The following GPR157 variants were observed in gnomAD, a reference collection of about 807,000 sequenced individuals.
GPR157 encodes G protein-coupled receptor 157, also known as G-protein coupled receptor 157.
A neutral mutation model predicts 23.5 loss-of-function variants in GPR157; 16 were observed. The ratio of observed to expected loss-of-function variants is 0.68; its 90% confidence interval spans 0.46 to 1.04. The LOEUF (loss-of-function observed/expected upper bound fraction) is 1.04. GPR157 is among the 50% of genes least tolerant of loss of function. The pLI, the probability that GPR157 is intolerant of heterozygous loss-of-function variation, is 0.00. For synonymous variants in GPR157, 200 were observed against 221.5 expected, an observed-to-expected ratio of 0.90 and a Z score of 0.86; for missense variants, 440 against 460.7, an observed-to-expected ratio of 0.96 and a Z score of 0.41.
chr1:9,104,703 T>C, intron 3 of GPR157, 69 bp from the exon 4 acceptor site: 14 of 1,220,510 alleles, frequency 1.1e-5, no homozygotes, highest in Non-Finnish European at 1.3e-5. Context: ...GCTGTTGCAA[T>C]TAAGAGAAAC....
chr1:9,108,951 A>C (rs1187758845), intron 2 of GPR157, among the ~76,000 whole-genome samples: 1 of 151,922 alleles, frequency 6.6e-6, no homozygotes, highest in East Asian at 1.9e-4. Flanking sequence ...ACGCTCAGCT[A>C]ATTTTTTGTA....
In GPR157 at chr1:9,128,591, G is replaced by A. The variant is rs2124535422; in HGVS notation, c.383+54C>T. The A allele has an allele frequency of 6.4e-7, 1 of 1,553,296 alleles. No homozygotes were observed. Among genetic ancestry groups the A allele is most frequent in the South Asian group, 1.1e-5 (1 of 88,598 alleles). On this transcript the variant is annotated intron_variant, in intron 1 of 3. Coordinates refer to ENST00000377411, the MANE Select transcript of GPR157 (RefSeq NM_024980.5). The surrounding 1 kb of genome is among the most constrained non-coding windows in gnomAD (Gnocchi z 6.3). ...GCGGCCTCTGGGAGGGCAAGACCGG[G>A]AGGGGTCGGCCTGTGTCGGGGGCTC...
intron 1 of GPR157, among the ~76,000 whole-genome samples, chr1:9,124,037 C>T (rs1638914480): frequency 1.3e-5 from 2 of 151,772 alleles, no homozygotes; most frequent in African/African-American, 4.8e-5. Flanking sequence ...GCCATGTTGC[C>T]CAGGCTGGTC....
In GPR157 at chr1:9,118,319, TG is replaced by T. The variant is rs780495293; in HGVS notation, c.384-6831del. ...AGGGGGTGCCATGACAGGTGCTGGG[TG>T]GGGGTGCAAGGTGGGGATGTGGGTT... On this transcript the variant is annotated intron_variant, in intron 1 of 3. Transcript: ENST00000377411. The surrounding 1 kb of genome is among the most constrained non-coding windows in gnomAD (Gnocchi z 4.6). Among the ~76,000 whole-genome samples the T allele has an allele frequency of 7.4e-5, 11 of 149,516 alleles. No homozygotes were observed. The highest frequency in any genetic ancestry group is 1.3e-4 in the Non-Finnish European group (9 of 67,326).
chr1:9,111,531 G>T (rs1638497031), intron 1 of GPR157, 42 bp from the exon 2 acceptor site: 1 of 1,544,852 alleles, frequency 6.5e-7, no homozygotes, highest in African/African-American at 1.4e-5. Context: ...GTCAGGCCAT[G>T]GCTCCCGGCA....
Position 9,102,674 on chromosome 1 carries a change from C to T in GPR157, c.*1745G>A, listed in dbSNP as rs181254780. 133 of 152,278 alleles carry T rather than the reference C, an allele frequency of 8.7e-4. No homozygotes were observed. The highest frequency in any genetic ancestry group is 2.8e-3 in the African/African-American group (116 of 41,558). The allele number at this position is 152,278 out of a possible 1,614,324, so 9.4% of individuals were successfully genotyped here. Reference sequence around the variant, plus strand: ...CCTATCAGGTAAAGCTGTACTTTCTCTCACCAAGACCCTGGAGGTAGCATT... The same window carrying T: ...CCTATCAGGTAAAGCTGTACTTTCTTTCACCAAGACCCTGGAGGTAGCATT... On this transcript the variant is annotated 3_prime_UTR_variant, in exon 4 of 4. Transcript: ENST00000377411.
At chr1:9,127,701 C>G (rs1207925654) in intron 1 of GPR157, among the ~76,000 whole-genome samples, 1 of 152,190 alleles carries the variant, frequency 6.6e-6, no homozygotes, top group African/African-American at 2.4e-5. Flanking sequence ...GGTGACCTGT[C>G]TCTGCCAAAG....
rs1202391993 is a variant in GPR157 at position 9,108,157 on chromosome 1, G to A, written c.598-2477C>T. On this transcript the variant is annotated intron_variant, in intron 2 of 3. Coordinates refer to ENST00000377411, the MANE Select transcript of GPR157 (RefSeq NM_024980.5). Reference sequence around the variant, plus strand: ...GCTGACGGCCCAGGGGAGGGGAGACGCCCAAGGTATTCTGCCAGCACCTGG... The same window carrying A: ...GCTGACGGCCCAGGGGAGGGGAGACACCCAAGGTATTCTGCCAGCACCTGG... Among the ~76,000 whole-genome samples the A allele has an allele frequency of 2.6e-5, 4 of 152,054 alleles. No individual in the cohort carries two copies. In the South Asian group the frequency reaches 6.2e-4, roughly 24 times the overall value.
At chr1:9,122,151 G>A (rs1638812530) in intron 1 of GPR157, among the ~76,000 whole-genome samples, 1 of 152,118 alleles carries the variant, frequency 6.6e-6, no homozygotes, top group Non-Finnish European at 1.5e-5. Context: ...TGTGGGAGGT[G>A]GGGAAATGAC....
chr1:9,116,248 TA>T (rs372568966), intron 1 of GPR157, among the ~76,000 whole-genome samples: 1 of 7,086 alleles, frequency 1.4e-4, no homozygotes, highest in Non-Finnish European at 1.8e-4. Context: ...TATATATAAT[TA>T]TATATATATT....
chr1:9,112,032 T>TGTGA (rs1316134931), intron 1 of GPR157, among the ~76,000 whole-genome samples: 3 of 152,182 alleles, frequency 2.0e-5, no homozygotes, highest in African/African-American at 7.2e-5. Flanking sequence ...CAGGCAGGTG[T>TGTGA]GTGTTTGCTG....
At chr1:9,106,017 T>C (rs904505706) in intron 2 of GPR157, among the ~76,000 whole-genome samples, 4 of 152,132 alleles carry the variant, frequency 2.6e-5, no homozygotes, top group Non-Finnish European at 4.4e-5. Context: ...TTTTGACCCC[T>C]TTCTTTGTCC....
At position 9,111,218 on chromosome 1, in the gene GPR157, C is replaced by T. The variant is rs776444430; in HGVS notation, c.597+58G>A. The T allele has an allele frequency of 4.6e-5, 71 of 1,549,182 alleles. 3 individuals carry two copies. In the South Asian group the frequency reaches 7.8e-4, roughly 17 times the overall value. Reference sequence around the variant, plus strand: ...CGGGGGGCCAAACTCAATGCCAGGCCTTGCACCTGGGCACAGCGGCCATGC... The same window carrying T: ...CGGGGGGCCAAACTCAATGCCAGGCTTTGCACCTGGGCACAGCGGCCATGC... On this transcript the variant is annotated intron_variant, in intron 2 of 3. Transcript: ENST00000377411.
intron 1 of GPR157, among the ~76,000 whole-genome samples, chr1:9,114,553 G>A (rs900763876): frequency 2.6e-5 from 4 of 152,082 alleles, no homozygotes; most frequent in African/African-American, 7.2e-5. Flanking sequence ...GGAGGGTCAC[G>A]GTCGGCACAG....
In GPR157 at chr1:9,105,526, C is replaced by A. The variant is rs1313564955; in HGVS notation, c.752G>T (p.Gly251Val). 2 of 1,590,186 alleles carry A rather than the reference C, an allele frequency of 1.3e-6. No individual in the cohort carries two copies. The highest frequency in any genetic ancestry group is 1.1e-5 in the South Asian group (1 of 87,170). ...STVRFVLTLC[G>V]SPAVQTPVLV... Reference sequence around the variant, plus strand: ...CACCGGCGTCTGCACGGCCGGGGAGCCACAGAGGGTCAGCACGAACCGCAC... The same window carrying A: ...CACCGGCGTCTGCACGGCCGGGGAGACACAGAGGGTCAGCACGAACCGCAC... Residue 251 changes from glycine (G) to valine (V), a missense_variant, in exon 3 of 4, where the codon GGC becomes GTC. Physicochemically the swap from Gly to Val is moderately radical, Grantham distance 109. Coordinates refer to ENST00000377411, the MANE Select transcript of GPR157 (RefSeq NM_024980.5). The surrounding 1 kb of genome is among the most constrained non-coding windows in gnomAD (Gnocchi z 4.8).
At position 9,128,874 on chromosome 1, in the gene GPR157, A is replaced by T. The variant is rs1639029843; in HGVS notation, c.154T>A (p.Phe52Ile). 1.9e-6 allele frequency: 3 copies of T among 1,572,306 alleles called. No homozygotes were observed. The African/African-American group carries it at 4.1e-5, about 21-fold the overall frequency. Residue 52 changes from phenylalanine to isoleucine, a missense_variant, in exon 1 of 4, where the codon TTC becomes ATC. Transcript: ENST00000377411. The surrounding 1 kb of genome is among the most constrained non-coding windows in gnomAD (Gnocchi z 6.3). ...LRSRARRLLL[F>I]LSLADLLSAA... Reference sequence around the variant, plus strand: ...GAGAGCAGGTCGGCCAGCGACAGGAAGAGCAGCAGGCGCCGTGCCCGGCTG... The same window carrying T: ...GAGAGCAGGTCGGCCAGCGACAGGATGAGCAGCAGGCGCCGTGCCCGGCTG...
intron 1 of GPR157, among the ~76,000 whole-genome samples, chr1:9,123,366 T>TAAAAAA (rs1638864679): frequency 1.3e-4 from 4 of 31,834 alleles, no homozygotes; most frequent in African/African-American, 4.0e-4. Flanking sequence ...TAAATATATA[T>TAAAAAA]TTAAATTAAA....
Position 9,104,531 on chromosome 1 carries a change from G to A in GPR157, c.896C>T (p.Ser299Phe), listed in dbSNP as rs1326619078. ...RLFSLCCCCC[S>F]SQPPTKSPAG... ...CGGGCTCTTGGTGGGAGGCTGAGAA[G>A]AGCAGCAGCAGCAACAGAGAGAGAA... Residue 299 changes from serine (S) to phenylalanine (F), a missense_variant, in exon 4 of 4, where the codon TCT becomes TTT. Ser to Phe is a radical substitution (Grantham distance 155). Transcript: ENST00000377411. 6.2e-7 allele frequency: 1 copy of A among 1,613,858 alleles called. No individual in the cohort carries two copies.
intron 2 of GPR157, among the ~76,000 whole-genome samples, chr1:9,106,520 C>T (rs1038249448): frequency 3.3e-5 from 5 of 152,228 alleles, no homozygotes; most frequent in African/African-American, 1.2e-4. Flanking sequence ...TGTTATGCTG[C>T]AGACACGCAG....
Sources: gnomAD v4.1 joint callset for allele counts (sites outside exome capture counted in the v4.1 genomes callset) on GRCh38, gnomAD v4.1.1 for gene constraint, Gnocchi (gnomAD v3.1) non-coding constraint, MANE v1.5 for transcripts, NCBI Gene and HGNC (gene_info 2026-07-23, HGNC 2026-07-21) for gene names.